Variants in CDC5L observed in about 807,000 individuals in gnomAD.
CDC5L encodes cell division cycle 5-like protein.
CDC5L carries 18 observed loss-of-function variants against 104.1 expected under a neutral mutation model. The ratio of observed to expected loss-of-function variants is 0.17; its 90% CI spans 0.12 to 0.26. CDC5L has a LOEUF of 0.26. CDC5L is among the 10% of genes least tolerant of loss of function. The probability of loss-of-function intolerance (pLI) is 1.00; values close to 1 mark genes in which losing one functional copy is unlikely to be tolerated. For missense variants in CDC5L, 673 were observed against 956.9 expected, an observed-to-expected ratio of 0.70 and a Z score of 3.91; for synonymous variants, 331 against 322.7, an observed-to-expected ratio of 1.03 and a Z score of -0.28.
In CDC5L at chr6:44,404,099, C is replaced by T. The variant is rs1353167766; in HGVS notation, c.758+72C>T. The T allele has an allele frequency of 1.3e-5, 13 of 969,444 alleles. 1 individual carries two copies. The highest frequency in any genetic ancestry group is 3.4e-5 in the African/African-American group (2 of 58,312). 60.1% of individuals were successfully genotyped at this position (969,444 alleles called of 1,614,324 possible). A position where few individuals can be genotyped will look rare whatever the true frequency, so the allele number is the denominator to read the frequency against. On this transcript the variant is annotated intron_variant, in intron 6 of 15. Transcript: ENST00000371477. ...AGTCTTACGAAGGGCCAAGTATTAT[C>T]CTTGTCAGAGCCAGATTTTTATTAT...
intron 14 of CDC5L, among the ~76,000 whole-genome samples, chr6:44,439,450 C>T (rs1403471882): frequency 3.3e-5 from 5 of 152,096 alleles, no homozygotes; most frequent in Non-Finnish European, 7.3e-5. Flanking sequence ...GGAAGCACCG[C>T]GAGTCCATGT....
Position 44,419,592 on chromosome 6 carries a change from A to G in CDC5L, c.1236A>G (p.Pro412=), listed in dbSNP as rs1792066663. The part of the protein sequence containing the change: ...VQTPNTVLST[P]FRTPSNGAEG... Reference sequence around the variant, plus strand: ...CTCCAAACACAGTTCTCTCTACTCCATTCAGGTATTGTAAATGAACACGTT... The same window carrying G: ...CTCCAAACACAGTTCTCTCTACTCCGTTCAGGTATTGTAAATGAACACGTT... The change falls in exon 9 of 16, where the codon CCA becomes CCG. Residue 412 remains proline, a synonymous_variant. Transcript: ENST00000371477. The G allele has an allele frequency of 3.1e-6, 5 of 1,611,104 alleles. 1 individual carries two copies. In the South Asian group the frequency reaches 4.4e-5, roughly 14 times the overall value.
chr6:44,437,777 A>G (rs1191419663), intron 14 of CDC5L, among the ~76,000 whole-genome samples: 1 of 152,260 alleles, frequency 6.6e-6, no homozygotes, highest in African/African-American at 2.4e-5. Context: ...TGGACTATCC[A>G]TGGAGCATAG....
At chr6:44,410,704 A>G (rs747306013) in intron 8 of CDC5L, among the ~76,000 whole-genome samples, 2 of 152,026 alleles carry the variant, frequency 1.3e-5, no homozygotes, top group Non-Finnish European at 2.9e-5. Context: ...TGAAGCTTAC[A>G]TTATCTTACA....
At position 44,436,608 on chromosome 6, in the gene CDC5L, T is replaced by C. The variant is rs188274926; in HGVS notation, c.2091+6698T>C. On this transcript the variant is annotated intron_variant, in intron 14 of 15. Transcript: ENST00000371477. Reference sequence around the variant, plus strand: ...TGAATTTGACTTTTAAAAAATCTTATAAGAATTTTCAAATGTACCCCAGAG... The same window carrying C: ...TGAATTTGACTTTTAAAAAATCTTACAAGAATTTTCAAATGTACCCCAGAG... Among the ~76,000 whole-genome samples, 8 of 152,342 alleles carry C rather than the reference T, an allele frequency of 5.3e-5. No homozygotes were observed. In the East Asian group the frequency reaches 1.2e-3, roughly 22 times the overall value.
intron 14 of CDC5L, among the ~76,000 whole-genome samples, chr6:44,440,708 C>CTTTTTT (rs372146196): frequency 7.6e-6 from 1 of 130,982 alleles, no homozygotes; most frequent in Non-Finnish European, 1.6e-5. Flanking sequence ...ATTTAAAATC[C>CTTTTTT]TTTTTTTTTT....
At chr6:44,427,784 AC>A (rs952800717) in intron 13 of CDC5L, among the ~76,000 whole-genome samples, 7 of 152,216 alleles carry the variant, frequency 4.6e-5, no homozygotes, top group African/African-American at 1.7e-4. Flanking sequence ...CGAAATTGAT[AC>A]TTGCACAGTT....
At chr6:44,396,493 A>G (rs1361675997) in intron 5 of CDC5L, 53 bp downstream of exon 5, 5 of 1,130,008 alleles carry the variant, frequency 4.4e-6, no homozygotes, top group African/African-American at 3.2e-5. Context: ...CATAACAATC[A>G]ACACAGAATA....
chr6:44,411,761 T>C (rs2153378842), intron 8 of CDC5L, among the ~76,000 whole-genome samples: 1 of 152,256 alleles, frequency 6.6e-6, no homozygotes, highest in Non-Finnish European at 1.5e-5. Context: ...ATTAGCCAGC[T>C]CAAGGCTTTG....
chr6:44,423,569 G>A (rs1307814668), intron 10 of CDC5L, among the ~76,000 whole-genome samples: 6 of 152,172 alleles, frequency 3.9e-5, no homozygotes, highest in African/African-American at 1.4e-4. Context: ...CTTATTAGAG[G>A]AGCTATGTTC....
At chr6:44,426,240 G>A (rs371880609) in intron 12 of CDC5L, 57 bp downstream of exon 12, 9 of 1,226,648 alleles carry the variant, frequency 7.3e-6, no homozygotes, top group Non-Finnish European at 1.1e-5. Context: ...TATGATTGCT[G>A]CGTTTTACAT....
chr6:44,426,116 C>T lies in CDC5L; in HGVS notation c.1583C>T (p.Ala528Val), dbSNP rs1287085358. 6.2e-7 allele frequency: 1 copy of T among 1,601,450 alleles called. No individual in the cohort carries two copies. The highest frequency in any genetic ancestry group is 8.5e-7 in the Non-Finnish European group (1 of 1,172,482). ...ATCATTTTTTAGGCCATACGAGATG[C>T]AGAGCGTGTAAAGGAAATGAAACGA... Reference protein sequence around the residue: ...VDARKQAIRDAERVKEMKRMH... With the variant: ...VDARKQAIRDVERVKEMKRMH... Residue 528 changes from alanine (A) to valine (V), a missense_variant, in exon 12 of 16, where the codon GCA becomes GTA. Ala to Val is a moderately conservative substitution (Grantham distance 64). Coordinates refer to ENST00000371477, the MANE Select transcript of CDC5L (RefSeq NM_001253.4).
At chr6:44,406,300 T>G in intron 6 of CDC5L, 23 bp from the exon 7 acceptor site, 1 of 1,559,968 alleles carries the variant, frequency 6.4e-7, no homozygotes, top group Non-Finnish European at 8.7e-7. Flanking sequence ...TAAAAATCTC[T>G]TTTCTACTTT....
intron 8 of CDC5L, among the ~76,000 whole-genome samples, chr6:44,414,524 A>C (rs1418298090): frequency 6.7e-6 from 1 of 149,832 alleles, no homozygotes. Context: ...TTTTGTAGAG[A>C]CAGGGTCTTG....
intron 4 of CDC5L, among the ~76,000 whole-genome samples, 193 bp from the exon 5 acceptor site, chr6:44,396,148 A>G (rs1316126460): frequency 6.6e-6 from 1 of 152,198 alleles, no homozygotes; most frequent in East Asian, 1.9e-4. Context: ...ATAGCTAGCA[A>G]GTGGTGGGCC....
intron 1 of CDC5L, among the ~76,000 whole-genome samples, chr6:44,389,026 G>C (rs1341117636): frequency 6.6e-6 from 1 of 152,184 alleles, no homozygotes; most frequent in Non-Finnish European, 1.5e-5. Flanking sequence ...GTAAGAGCTA[G>C]TTGCTCTTTC....
intron 2 of CDC5L, among the ~76,000 whole-genome samples, chr6:44,392,416 G>A (rs776583117): frequency 6.6e-6 from 1 of 151,932 alleles, no homozygotes; most frequent in Non-Finnish European, 1.5e-5. Context: ...GAGAAAGAAG[G>A]CTTATGATCA....
At chr6:44,393,602 C>A (rs370029888) in intron 4 of CDC5L, 29 bp downstream of exon 4, 1 of 1,598,028 alleles carries the variant, frequency 6.3e-7, no homozygotes, top group South Asian at 1.1e-5. Context: ...GAATTTATTT[C>A]TTTGGTAACT....
chr6:44,426,756 AT>A (rs1264396502), intron 13 of CDC5L, 32 bp downstream of exon 13: 1 of 1,605,448 alleles, frequency 6.2e-7, no homozygotes, highest in African/African-American at 1.3e-5. Context: ...TCTTCTTGAG[AT>A]TTAGGTAGTT....
Sources: allele counts gnomAD v4.1 joint callset (sites outside exome capture counted in the v4.1 genomes callset), GRCh38; gene constraint gnomAD v4.1.1; transcripts MANE v1.5; gene names NCBI Gene and HGNC (gene_info 2026-07-23, HGNC 2026-07-21).